The following GFOD1 variants were observed in gnomAD, a reference collection of about 807,000 sequenced individuals.
GFOD1 encodes the protein glucose-fructose oxidoreductase domain-containing protein 1.
GFOD1 carries 9 observed loss-of-function variants against 25.4 expected under a neutral mutation model. That is an observed-to-expected ratio of 0.35 (90% CI 0.21 to 0.62). The LOEUF is 0.62. GFOD1 is among the 20% of genes least tolerant of loss of function. The pLI is 0.72. For synonymous variants in GFOD1, 253 were observed against 245.6 expected (o/e 1.03, Z -0.28); for missense variants, 403 against 556.9 (o/e 0.72, Z 2.78).
rs1249252730 is a variant in GFOD1, at chr6:13,364,552, C to T, written c.*191G>A. 6.7e-6 allele frequency: 4 copies of T among 593,936 alleles called. No individual in the cohort carries two copies. Among genetic ancestry groups the T allele is most frequent in the Non-Finnish European group, 1.2e-5 (4 of 335,046 alleles). 36.8% of individuals were successfully genotyped at this position (593,936 alleles called of 1,614,324 possible). On this transcript the variant is annotated 3_prime_UTR_variant, in exon 2 of 2. Coordinates refer to ENST00000379287, the MANE Select transcript of GFOD1 (RefSeq NM_018988.4). The surrounding 1 kb of genome is among the most constrained non-coding windows in gnomAD (Gnocchi z 4.1). ...CCTGAATGCTTCCAGGCTAGGAGCTCAGCCCACCAACAGTCTGGTTTGGGG... is the reference window on the plus strand; with the variant it reads ...CCTGAATGCTTCCAGGCTAGGAGCTTAGCCCACCAACAGTCTGGTTTGGGG...
intron 1 of GFOD1, among the ~76,000 whole-genome samples, chr6:13,463,853 A>T (rs192405441): frequency 5.3e-5 from 8 of 152,188 alleles, no homozygotes; most frequent in African/African-American, 1.4e-4. Context: ...AAAGATAAAT[A>T]TATATCTATC....
intron 1 of GFOD1, among the ~76,000 whole-genome samples, chr6:13,379,952 C>T (rs1785327612): frequency 6.6e-6 from 1 of 152,172 alleles, no homozygotes; most frequent in Non-Finnish European, 1.5e-5. Flanking sequence ...GCTTAGTTCA[C>T]TTACCTGTAA....
intron 1 of GFOD1, among the ~76,000 whole-genome samples, chr6:13,396,065 T>C (rs547404695): frequency 6.6e-6 from 1 of 152,370 alleles, no homozygotes; most frequent in East Asian, 1.9e-4. Context: ...CGCATTTACA[T>C]GTTTCATTTG....
At chr6:13,478,763 A>G (rs903462967) in intron 1 of GFOD1, among the ~76,000 whole-genome samples, 2 of 152,248 alleles carry the variant, frequency 1.3e-5, no homozygotes, top group Admixed American at 6.5e-5. Context: ...TGTGAAGCAG[A>G]GGATGCTGGT....
intron 1 of GFOD1, among the ~76,000 whole-genome samples, chr6:13,398,453 C>A (rs1210128717): frequency 1.3e-5 from 2 of 152,228 alleles, no homozygotes; most frequent in African/African-American, 4.8e-5. Flanking sequence ...TTAAAGTATA[C>A]ACTTACTATC....
intron 1 of GFOD1, among the ~76,000 whole-genome samples, chr6:13,415,234 C>T (rs1338396868): frequency 6.6e-6 from 1 of 152,186 alleles, no homozygotes; most frequent in Non-Finnish European, 1.5e-5. Context: ...CCAATCCCCT[C>T]CCGTCTTCCA....
rs146025715 is a variant in GFOD1, at chr6:13,442,165, G to A, written c.253+44473C>T. Among the ~76,000 whole-genome samples the A allele has an allele frequency of 2.1e-3, 322 of 152,364 alleles. 2 individuals carry two copies. The highest frequency in any genetic ancestry group is 7.3e-3 in the African/African-American group (305 of 41,586). Reference sequence around the variant, plus strand: ...TTTTTTCTAATCGTTATAATGAAAGGATGCTGAACATTGTATGTGAGGTAC... The same window carrying A: ...TTTTTTCTAATCGTTATAATGAAAGAATGCTGAACATTGTATGTGAGGTAC... On this transcript the variant is annotated intron_variant, in intron 1 of 1. Coordinates refer to ENST00000379287, the MANE Select transcript of GFOD1 (RefSeq NM_018988.4).
chr6:13,481,408 C>A (rs113122226), intron 1 of GFOD1, among the ~76,000 whole-genome samples: 1 of 152,148 alleles, frequency 6.6e-6, no homozygotes, highest in Non-Finnish European at 1.5e-5. Context: ...GCCAGGTGGC[C>A]GGAATATAGA....
rs1215482271 is a variant in GFOD1 at position 13,359,331 on chromosome 6, T to G, written c.*5412A>C. On this transcript the variant is annotated 3_prime_UTR_variant, in exon 2 of 2. Transcript: ENST00000379287. ...ATGTGGGGTTCTGATCATTGATTTT[T>G]AAACAAGCTCCCCAATGTCATGGCC... 1 of 152,276 alleles carries G rather than the reference T, an allele frequency of 6.6e-6. No homozygotes were observed. The highest frequency in any genetic ancestry group is 1.9e-4 in the East Asian group (1 of 5,194). 9.4% of individuals were successfully genotyped at this position (152,276 alleles called of 1,614,324 possible).
chr6:13,418,849 C>T (rs896713813), intron 1 of GFOD1, among the ~76,000 whole-genome samples: 2 of 152,190 alleles, frequency 1.3e-5, no homozygotes, highest in African/African-American at 2.4e-5. Context: ...ACTGGTCCAG[C>T]GAGAGCCTTC....
intron 1 of GFOD1, among the ~76,000 whole-genome samples, chr6:13,397,903 AAAG>A (rs1402211483): frequency 6.6e-6 from 1 of 152,226 alleles, no homozygotes; most frequent in African/African-American, 2.4e-5. Flanking sequence ...TTAATTTTTA[AAAG>A]AAGACTTTTC....
intron 1 of GFOD1, among the ~76,000 whole-genome samples, chr6:13,434,848 G>T (rs1395486724): frequency 1.3e-5 from 2 of 152,218 alleles, no homozygotes; most frequent in African/African-American, 4.8e-5. Context: ...AAGGCAAAAC[G>T]TGGTTGGAAA....
chr6:13,475,433 G>A (rs1758597848), intron 1 of GFOD1, among the ~76,000 whole-genome samples: 1 of 151,616 alleles, frequency 6.6e-6, no homozygotes, highest in African/African-American at 2.4e-5. Flanking sequence ...AATTAGGCTG[G>A]GCGCGGTGGC....
Position 13,441,904 on chromosome 6 carries a change from G to C in GFOD1, c.253+44734C>G, listed in dbSNP as rs560377806. Reference sequence around the variant, plus strand: ...GCATGTGTGGCTGCAGCCTGTCCTGGCTGCTCAGGATACAAGGAGAGAACC... The same window carrying C: ...GCATGTGTGGCTGCAGCCTGTCCTGCCTGCTCAGGATACAAGGAGAGAACC... On this transcript the variant is annotated intron_variant, in intron 1 of 1. Transcript: ENST00000379287. Among the ~76,000 whole-genome samples the C allele has an allele frequency of 2.0e-5, 3 of 152,290 alleles. No individual in the cohort carries two copies. In the East Asian group the frequency reaches 5.8e-4, roughly 29 times the overall value.
chr6:13,376,994 C>A (rs1318188028), intron 1 of GFOD1, among the ~76,000 whole-genome samples: 2 of 151,014 alleles, frequency 1.3e-5, no homozygotes, highest in African/African-American at 4.9e-5. Context: ...GAAGGGATCA[C>A]AAGTGTATTT....
chr6:13,375,752 G>A (rs777208236), intron 1 of GFOD1, among the ~76,000 whole-genome samples: 11 of 152,132 alleles, frequency 7.2e-5, no homozygotes, highest in Non-Finnish European at 1.3e-4. Flanking sequence ...CCTGTTGCCT[G>A]GGCCCTCTTA....
At chr6:13,450,944 C>G (rs185687143) in intron 1 of GFOD1, among the ~76,000 whole-genome samples, 2 of 152,182 alleles carry the variant, frequency 1.3e-5, no homozygotes, top group African/African-American at 2.4e-5. Context: ...ATCAAGACTC[C>G]GGTGAGGTAT....
At chr6:13,444,760 G>A (rs115730145) in intron 1 of GFOD1, among the ~76,000 whole-genome samples, 4,053 of 152,198 alleles carry the variant, frequency 0.027, 144 homozygotes, top group African/African-American at 0.086. Flanking sequence ...ACAGTGTAGT[G>A]TAAACATAAC....
intron 1 of GFOD1, among the ~76,000 whole-genome samples, chr6:13,478,063 C>CA (rs70989861): frequency 0.2 from 27,009 of 132,952 alleles, 2,689 homozygotes; most frequent in East Asian, 0.27. Context: ...GAATCTATCT[C>CA]AAAAAAAAAA....
Sources: gnomAD v4.1 joint callset for allele counts (sites outside exome capture counted in the v4.1 genomes callset) on GRCh38, gnomAD v4.1.1 for gene constraint, Gnocchi (gnomAD v3.1) non-coding constraint, MANE v1.5 for transcripts, NCBI Gene and HGNC (gene_info 2026-07-23, HGNC 2026-07-21) for gene names.